C16orf90: variants seen among roughly 807,000 people sequenced by gnomAD.
The protein encoded by C16orf90 is chromosome 16 open reading frame 90.
C16orf90 carries 17 observed loss-of-function variants against 17.1 expected under a neutral mutation model. The ratio of observed to expected loss-of-function variants is 1.00; its 90% CI spans 0.68 to 1.49. C16orf90 has a LOEUF of 1.49. Ranked by LOEUF, C16orf90 falls within the 40% of genes most tolerant of loss-of-function variation. C16orf90 has a pLI of 0.00. For synonymous variants in C16orf90, 108 were observed against 95.8 expected (o/e 1.13, Z -0.75); for missense variants, 255 against 235.5 (o/e 1.08, Z -0.54).
chr16:3,496,397 C>T (rs1021047697), upstream of C16orf90: 14 of 1,078,798 alleles, frequency 1.3e-5, no homozygotes, highest in Admixed American at 9.2e-5. Context: ...GTCCGTTTCC[C>T]GGATGATCCG....
In C16orf90 at chr16:3,493,832, G is replaced by A. The variant is rs201461202; in HGVS notation, c.*7C>T. The stretch of plus-strand genomic sequence containing the variant: ...CCTCCTGTACCCAGTCCTGGCACTC[G>A]GGATCCCTATGGCCTCTCCAGGGCC... On this transcript the variant is annotated 3_prime_UTR_variant, in exon 3 of 3. Transcript: ENST00000437192. 3.1e-4 allele frequency: 500 copies of A among 1,594,970 alleles called. 2 individuals are homozygous for A. The East Asian group carries it at 9.0e-3, about 29-fold the overall frequency.
chr16:3,494,470 C>A, intron 2 of C16orf90, 54 bp downstream of exon 2: 1 of 1,496,236 alleles, frequency 6.7e-7, no homozygotes, highest in Admixed American at 2.0e-5. Flanking sequence ...GGCCCCAGCC[C>A]AACCATCCCC....
chr16:3,496,453 G>T, upstream of C16orf90: 1 of 956,636 alleles, frequency 1.0e-6, no homozygotes, highest in South Asian at 1.3e-5. Context: ...CCGTGGTTGT[G>T]GGGACGCTTA....
At position 3,494,698 on chromosome 16, in the gene C16orf90, T is replaced by C. The variant is rs1182383318; in HGVS notation, c.226A>G (p.Thr76Ala). The change falls in exon 2 of 3, where the codon ACT becomes GCT. Residue 76 changes from threonine to alanine, a missense_variant. By Grantham distance (58) the Thr-to-Ala change is moderately conservative. Coordinates refer to ENST00000437192, the MANE Select transcript of C16orf90 (RefSeq NM_001080524.2). ...GLYLESHPPPTGQCESHWLGR... is the reference protein window; with the variant it reads ...GLYLESHPPPAGQCESHWLGR... ...AGCCAGTGGCTCTCACACTGGCCAG[T>C]GGGTGGCGGGTGGCTCTCCAGGTAG... The C allele has an allele frequency of 1.2e-6, 2 of 1,610,092 alleles. No individual in the cohort carries two copies. Among genetic ancestry groups the C allele is most frequent in the South Asian group, 2.2e-5 (2 of 90,926 alleles).
At chr16:3,496,208 C>A, upstream of C16orf90, 1 of 575,432 alleles carries the variant, frequency 1.7e-6, no homozygotes. Context: ...ATCATGGGAG[C>A]TGACGTCCGC....
rs550178847 is a variant in C16orf90, at chr16:3,493,735, C to T, written c.*104G>A. The T allele has an allele frequency of 4.8e-4, 571 of 1,199,232 alleles. 1 individual carries two copies. The highest frequency in any genetic ancestry group is 6.3e-4 in the Non-Finnish European group (551 of 870,944). The allele number at this position is 1,199,232 out of a possible 1,614,324, so 74.3% of individuals were successfully genotyped here. A position where few individuals can be genotyped will look rare whatever the true frequency, so the allele number is the denominator to read the frequency against. ...CTGGGCGCTGGGCCGCTGCCTGGGC[C>T]ACCCCATGTGGCAGGGCCACTGCCG... On this transcript the variant is annotated 3_prime_UTR_variant, in exon 3 of 3. Transcript: ENST00000437192.
At position 3,493,802 on chromosome 16, in the gene C16orf90, C is replaced by T; in HGVS notation, c.*37G>A. 1.3e-6 allele frequency: 2 copies of T among 1,557,020 alleles called. No homozygotes were observed. Among genetic ancestry groups the T allele is most frequent in the Non-Finnish European group, 1.7e-6 (2 of 1,148,892 alleles). ...TGCTCAGGCTGCCTCCTCGGCCATCCTGCCCCTCCTGTACCCAGTCCTGGC... is the reference window on the plus strand; with the variant it reads ...TGCTCAGGCTGCCTCCTCGGCCATCTTGCCCCTCCTGTACCCAGTCCTGGC... On this transcript the variant is annotated 3_prime_UTR_variant, in exon 3 of 3. Transcript: ENST00000437192.
chr16:3,495,771 A>G (rs917373838), upstream of C16orf90, among the ~76,000 whole-genome samples: 10 of 152,178 alleles, frequency 6.6e-5, no homozygotes, highest in Non-Finnish European at 8.8e-5. Flanking sequence ...ATGAGGGTTC[A>G]GGAGTACAGA....
At chr16:3,496,544 C>T (rs1257331460), upstream of C16orf90, 1 of 553,748 alleles carries the variant, frequency 1.8e-6, no homozygotes, top group Non-Finnish European at 3.5e-6. Context: ...CAGCGGCATC[C>T]TCAGGGTGGG....
chr16:3,496,135 C>T (rs183859740), upstream of C16orf90: 42 of 386,880 alleles, frequency 1.1e-4, no homozygotes, highest in Admixed American at 1.4e-3. Context: ...AGCGAGACTC[C>T]GTCTCAAAAA....
chr16:3,494,688 C>T lies in C16orf90; in HGVS notation c.236G>A (p.Cys79Tyr). The change falls in exon 2 of 3, where the codon TGT becomes TAT. Residue 79 changes from cysteine (C) to tyrosine (Y), a missense_variant. Cys to Tyr is a radical substitution (Grantham distance 194). Coordinates refer to ENST00000437192, the MANE Select transcript of C16orf90 (RefSeq NM_001080524.2). ...LESHPPPTGQ[C>Y]ESHWLGRLMA... The stretch of plus-strand genomic sequence containing the variant: ...AAGCCGGCCCAGCCAGTGGCTCTCA[C>T]ACTGGCCAGTGGGTGGCGGGTGGCT... 1.9e-6 allele frequency: 3 copies of T among 1,611,064 alleles called. No homozygotes were observed. The highest frequency in any genetic ancestry group is 1.7e-6 in the Non-Finnish European group (2 of 1,179,498).
chr16:3,495,290 G>T, intron 1 of C16orf90, 86 bp downstream of exon 1: 1 of 1,468,432 alleles, frequency 6.8e-7, no homozygotes, highest in East Asian at 2.5e-5. Flanking sequence ...AAGCATACAT[G>T]TCCCTGAGGC....
In C16orf90 at chr16:3,494,893, C is replaced by A; in HGVS notation, c.47-16G>T. The A allele has an allele frequency of 6.7e-7, 1 of 1,488,896 alleles. No individual in the cohort carries two copies. The highest frequency in any genetic ancestry group is 2.3e-5 in the East Asian group (1 of 43,810). 92.2% of individuals were successfully genotyped at this position (1,488,896 alleles called of 1,614,324 possible). ...CTCACTGCATCTGCAGAGGAGACAG[C>A]GGGAGGGTGGTGGCCAGCCCCCCAC... On this transcript the variant is annotated splice_polypyrimidine_tract_variant and intron_variant, in intron 1 of 2. Coordinates refer to ENST00000437192, the MANE Select transcript of C16orf90 (RefSeq NM_001080524.2).
upstream of C16orf90, chr16:3,495,524 G>C: frequency 6.5e-7 from 1 of 1,539,798 alleles, no homozygotes; most frequent in South Asian, 1.2e-5. Context: ...CTGGCAACTG[G>C]TTCTTATGAC....
upstream of C16orf90, chr16:3,496,460 C>A: frequency 1.1e-6 from 1 of 904,400 alleles, no homozygotes; most frequent in African/African-American, 1.7e-5. Flanking sequence ...TGTGGGGACG[C>A]TTAACGGATG....
Position 3,494,560 on chromosome 16 carries a change from C to A in C16orf90, c.364G>T (p.Glu122Ter), listed in dbSNP as rs373459930. The A allele has an allele frequency of 6.2e-7, 1 of 1,612,760 alleles. No homozygotes were observed. The highest frequency in any genetic ancestry group is 1.3e-5 in the African/African-American group (1 of 74,930). The change falls in exon 2 of 3, where the codon GAA becomes TAA. Residue 122 changes from glutamate to a stop codon, truncating the protein, a stop_gained. Transcript: ENST00000437192. LOFTEE classifies it high-confidence loss of function. ...PRNSLCSALL[E>*]ARLPRDSLGS... is the part of the protein sequence containing the mutation. ...AGGCTGTCCCTGGGCAATCGGGCTT[C>A]CAGAAGGGCTGAACAGAGGCTGTTA...
chr16:3,496,485 G>A (rs2037311863), upstream of C16orf90: 1 of 727,376 alleles, frequency 1.4e-6, no homozygotes, highest in Non-Finnish European at 2.3e-6. Flanking sequence ...GAGGGTTCAG[G>A]AGGTGCCCAA....
chr16:3,496,012 G>A (rs1350975898), upstream of C16orf90, among the ~76,000 whole-genome samples: 5 of 152,028 alleles, frequency 3.3e-5, no homozygotes, highest in Non-Finnish European at 2.9e-5. Flanking sequence ...GTCGTGGCGG[G>A]AGCCTGTAGT....
chr16:3,494,413 G>T, intron 2 of C16orf90, 111 bp downstream of exon 2: 2 of 847,150 alleles, frequency 2.4e-6, no homozygotes, highest in Non-Finnish European at 3.8e-6. Flanking sequence ...GCCTTCTGGG[G>T]CATGGTGCCA....
Sources: gnomAD v4.1 joint callset for allele counts (sites outside exome capture counted in the v4.1 genomes callset) on GRCh38, gnomAD v4.1.1 for gene constraint, MANE v1.5 for transcripts, NCBI Gene and HGNC (gene_info 2026-07-23, HGNC 2026-07-21) for gene names.